RYR1: variants seen among roughly 807,000 people sequenced by gnomAD.
The protein encoded by RYR1 is ryanodine receptor 1, also known as central core disease of muscle.
Under a neutral mutation model 583.5 loss-of-function variants are expected in RYR1, and 342 were observed. The observed-to-expected ratio is 0.59, with a 90% CI of 0.54 to 0.64. The LOEUF is 0.64. RYR1 is among the 30% of genes least tolerant of loss of function. RYR1 has a pLI of 0.00. For synonymous variants in RYR1, 2,791 were observed against 2,822.5 expected (o/e 0.99, Z 0.35); for missense variants, 6,032 against 6,917.2 (o/e 0.87, Z 4.54).
chr19:38,502,789 G>GGGCAGA lies in RYR1; in HGVS notation c.7835+67_7835+68insAGGCAG, dbSNP rs1970225259. Reference sequence around the variant, plus strand: ...GGGGCAGGGGCAGGGGCAGGGGCAGGGGCAGGGGCAGGGGCAGGGGGAGGA... The same window carrying GGGCAGA: ...GGGGCAGGGGCAGGGGCAGGGGCAGGGGCAGAGGCAGGGGCAGGGGCAGGGGGAGGA... On this transcript the variant is annotated intron_variant, in intron 48 of 105. Transcript: ENST00000359596. 1.1e-5 allele frequency: 12 copies of GGGCAGA among 1,107,324 alleles called. 1 individual carries two copies. In the South Asian group the frequency reaches 1.4e-4, roughly 13 times the overall value. The allele number at this position is 1,107,324 out of a possible 1,614,324, so 68.6% of individuals were successfully genotyped here. A position where few individuals can be genotyped will look rare whatever the true frequency, so the allele number is the denominator to read the frequency against.
chr19:38,483,029 G>A lies in RYR1; in HGVS notation c.4623G>A (p.Val1541=). The change falls in exon 32 of 106, where the codon GTG becomes GTA. Residue 1541 remains valine, a splice_region_variant and synonymous_variant. Coordinates refer to ENST00000359596, the MANE Select transcript of RYR1 (RefSeq NM_000540.3). The surrounding 1 kb of genome is among the most constrained non-coding windows in gnomAD (Gnocchi z 6.3). ...NGKESNTFFQ[V]EPNTKLFPAV... ...CTCGTCCTCTTCTCCTCTGCCAGGT[G>A]GAACCCAACACTAAGCTATTTCCTG... The A allele has an allele frequency of 3.7e-6, 6 of 1,613,946 alleles. No homozygotes were observed. The highest frequency in any genetic ancestry group is 3.4e-6 in the Non-Finnish European group (4 of 1,179,864).
rs1247302109 is a variant in RYR1, at chr19:38,485,907, G to A, written c.5252G>A (p.Arg1751Lys). The A allele has an allele frequency of 7.4e-6, 12 of 1,613,754 alleles. No homozygotes were observed. Among genetic ancestry groups the A allele is most frequent in the African/African-American group, 1.3e-5 (1 of 75,050 alleles). Residue 1751 changes from arginine to lysine, a missense_variant, in exon 34 of 106, where the codon AGG becomes AAG. Arg to Lys is a conservative substitution (Grantham distance 26, BLOSUM62 2). Transcript: ENST00000359596. ...TRAITLFPPG[R>K]STENGHPRHG... ...GCCATCACGCTCTTCCCTCCTGGAAGGAGCACAGAAAATGGTCACCCCCGG... is the reference window on the plus strand; with the variant it reads ...GCCATCACGCTCTTCCCTCCTGGAAAGAGCACAGAAAATGGTCACCCCCGG...
At position 38,575,815 on chromosome 19, in the gene RYR1, A is replaced by G. The variant is rs1973931504; in HGVS notation, c.14130-104A>G. The G allele has an allele frequency of 3.9e-6, 5 of 1,285,170 alleles. No individual in the cohort carries two copies. The South Asian group carries it at 6.0e-5, about 15-fold the overall frequency. The allele number at this position is 1,285,170 out of a possible 1,614,324, so 79.6% of individuals were successfully genotyped here. On this transcript the variant is annotated intron_variant, in intron 96 of 105. Coordinates refer to ENST00000359596, the MANE Select transcript of RYR1 (RefSeq NM_000540.3). ...GAGACTCCATCTCAAAAAAAAAGGA[A>G]AAAGAAAAACAGTGGAGTTTCAGCC...
At chr19:38,546,858 G>A (rs374771752) in intron 88 of RYR1, among the ~76,000 whole-genome samples, 9 of 146,040 alleles carry the variant, frequency 6.2e-5, no homozygotes, top group Admixed American at 5.6e-4. Context: ...AGGCTGAGGT[G>A]GGAGGATCAC....
Position 38,485,965 on chromosome 19 carries a change from G to T in RYR1, c.5310G>T (p.Ser1770=), listed in dbSNP as rs1600772466. Residue 1770 remains serine, a synonymous_variant, in exon 34 of 106, where the codon TCG becomes TCT. Transcript: ENST00000359596. ...TGCCGGGAGTTGGAGTCACCACTTC[G>T]CTGAGGCCCCCGCATCATTTCTCGC... The part of the protein sequence containing the change: ...HGLPGVGVTT[S]LRPPHHFSPP... The T allele has an allele frequency of 2.5e-6, 4 of 1,613,646 alleles. No homozygotes were observed. Among genetic ancestry groups the T allele is most frequent in the South Asian group, 1.1e-5 (1 of 91,086 alleles).
At position 38,507,715 on chromosome 19, in the gene RYR1, C is replaced by A. The variant is rs951057994; in HGVS notation, c.8820C>A (p.Gly2940=). The A allele has an allele frequency of 6.9e-6, 11 of 1,598,786 alleles. No individual in the cohort carries two copies. In the African/African-American group the frequency reaches 8.0e-5, roughly 12 times the overall value. The stretch of plus-strand genomic sequence containing the variant: ...TTCTCTCCACATCTCCATGCAGAGG[C>A]CTTAAGGACATGGAACTGGACTCGT... ...LQMNGYAVTR[G]LKDMELDSSS... Residue 2940 remains glycine, a synonymous_variant, in exon 58 of 106, where the codon GGC becomes GGA. Transcript: ENST00000359596.
At chr19:38,436,593 T>C (rs987165738) in intron 1 of RYR1, among the ~76,000 whole-genome samples, 3 of 152,208 alleles carry the variant, frequency 2.0e-5, no homozygotes, top group African/African-American at 7.2e-5. Flanking sequence ...CCGAATATTA[T>C]TCCATTGTGC....
At chr19:38,555,408 C>T (rs1972836430) in intron 89 of RYR1, among the ~76,000 whole-genome samples, 1 of 148,510 alleles carries the variant, frequency 6.7e-6, no homozygotes, top group Non-Finnish European at 1.5e-5. Context: ...CACCACTGCA[C>T]TCCACTCCAG....
Position 38,519,380 on chromosome 19 carries a change from G to T in RYR1, c.10185G>T (p.Arg3395=). The part of the protein sequence containing the change: ...AEAQEGELLV[R]DEFSVLCRDL... ...CCCAGGAGGGCGAGCTGCTGGTGCGGGACGAGTTCTCTGTGCTCTGCCGGG... is the reference window on the plus strand; with the variant it reads ...CCCAGGAGGGCGAGCTGCTGGTGCGTGACGAGTTCTCTGTGCTCTGCCGGG... Residue 3395 remains arginine (R), a synonymous_variant, in exon 67 of 106, where the codon CGG becomes CGT. Coordinates refer to ENST00000359596, the MANE Select transcript of RYR1 (RefSeq NM_000540.3). 1.2e-6 allele frequency: 2 copies of T among 1,606,852 alleles called. No homozygotes were observed. The highest frequency in any genetic ancestry group is 1.7e-6 in the Non-Finnish European group (2 of 1,177,012).
rs776807425 is a variant in RYR1 at position 38,444,214 on chromosome 19, G to T, written c.490G>T (p.Val164Phe). ...KQRSEGEKVR[V>F]GDDIILVSVS... ...GAGGTCTGAAGGAGAAAAGGTCCGC[G>T]TTGGGGATGACATCATCCTTGTCAG... is the stretch of plus-strand genomic sequence containing the variant. The change falls in exon 6 of 106, where the codon GTT (valine) becomes TTT (phenylalanine). Residue 164 changes from valine to phenylalanine, a missense_variant. Physicochemically the swap from Val to Phe is conservative, Grantham distance 50. This residue lies in a region of RYR1 where 338 missense variants were observed against 441.6 expected (regional missense o/e 0.77). Coordinates refer to ENST00000359596, the MANE Select transcript of RYR1 (RefSeq NM_000540.3). This position sits in a 1 kb window ranked among gnomAD's most constrained non-coding sequence, Gnocchi z 5.1. 6.2e-7 allele frequency: 1 copy of T among 1,614,088 alleles called. No individual in the cohort carries two copies. The highest frequency in any genetic ancestry group is 1.6e-4 in the Middle Eastern group (1 of 6,062).
intron 47 of RYR1, 69 bp from the exon 48 acceptor site, chr19:38,502,438 G>T: frequency 1.4e-6 from 2 of 1,441,502 alleles, no homozygotes; most frequent in Non-Finnish European, 1.9e-6. Flanking sequence ...GGCCACAGTC[G>T]CTCAAGACAG....
intron 93 of RYR1, among the ~76,000 whole-genome samples, chr19:38,569,996 T>C (rs892044704): frequency 1.3e-5 from 2 of 152,104 alleles, no homozygotes; most frequent in Admixed American, 1.3e-4. Context: ...AGACCCCGTC[T>C]CTACTGAAAA....
At chr19:38,498,656 C>T (rs1000735161) in intron 42 of RYR1, among the ~76,000 whole-genome samples, 2 of 152,148 alleles carry the variant, frequency 1.3e-5, no homozygotes, top group African/African-American at 4.8e-5. Flanking sequence ...ATTATTCATG[C>T]CTCCCCTTTC....
In RYR1 at chr19:38,543,706, G is replaced by C. The variant is rs759527000; in HGVS notation, c.11907+46G>C. On this transcript the variant is annotated intron_variant, in intron 86 of 105. Transcript: ENST00000359596. The surrounding 1 kb of genome is among the most constrained non-coding windows in gnomAD (Gnocchi z 4.4). ...CGGGAGTGGGAAGGGAGGGGGTCCCGCATCGTGATCCCTGATCCCTTCTCG... is the reference window on the plus strand; with the variant it reads ...CGGGAGTGGGAAGGGAGGGGGTCCCCCATCGTGATCCCTGATCCCTTCTCG... 6.2e-6 allele frequency: 10 copies of C among 1,611,386 alleles called. No homozygotes were observed. The East Asian group carries it at 2.2e-4, about 36-fold the overall frequency.
In RYR1 at chr19:38,433,747, C is replaced by T. The variant is rs1398881873; in HGVS notation, c.-83C>T. ...TGTCTCCAGAGGTCTCCGACCCCAGCCCGCCCCCAGCCCTCCCGCCCAGCC... is the reference window on the plus strand; with the variant it reads ...TGTCTCCAGAGGTCTCCGACCCCAGTCCGCCCCCAGCCCTCCCGCCCAGCC... On this transcript the variant is annotated 5_prime_UTR_variant, in exon 1 of 106. Coordinates refer to ENST00000359596, the MANE Select transcript of RYR1 (RefSeq NM_000540.3). 9 of 674,060 alleles carry T rather than the reference C, an allele frequency of 1.3e-5. No individual in the cohort carries two copies. Among genetic ancestry groups the T allele is most frequent in the Middle Eastern group, 4.0e-4 (1 of 2,470 alleles). 41.8% of individuals were successfully genotyped at this position (674,060 alleles called of 1,614,324 possible). A position where few individuals can be genotyped will look rare whatever the true frequency, so the allele number is the denominator to read the frequency against.
In RYR1 at chr19:38,457,741, TAAC is replaced by T. The variant is rs1159315067; in HGVS notation, c.1925+115_1925+117del. 2.0e-4 allele frequency: 226 copies of T among 1,136,850 alleles called. No individual in the cohort carries two copies. The South Asian group carries it at 2.7e-3, about 13-fold the overall frequency. The allele number at this position is 1,136,850 out of a possible 1,614,324, so 70.4% of individuals were successfully genotyped here. On this transcript the variant is annotated intron_variant, in intron 17 of 105. Coordinates refer to ENST00000359596, the MANE Select transcript of RYR1 (RefSeq NM_000540.3). Reference sequence around the variant, plus strand: ...TTTCCTTAATCTCCCACCCCAGGGTTAACAACCAGTCCTCACAGATGTCCACTG... The same window carrying T: ...TTTCCTTAATCTCCCACCCCAGGGTTAACCAGTCCTCACAGATGTCCACTG...
At chr19:38,563,107 T>C (rs1367449037) in intron 90 of RYR1, among the ~76,000 whole-genome samples, 1 of 152,114 alleles carries the variant, frequency 6.6e-6, no homozygotes, top group Non-Finnish European at 1.5e-5. Context: ...CCCTGCGTGC[T>C]CCCCATACAA....
intron 27 of RYR1, among the ~76,000 whole-genome samples, chr19:38,472,001 G>A (rs529493324): frequency 1.3e-5 from 2 of 152,064 alleles, no homozygotes; most frequent in South Asian, 4.2e-4. Flanking sequence ...GTTCATCTTG[G>A]CAACTGGTCC....
intron 96 of RYR1, among the ~76,000 whole-genome samples, chr19:38,573,886 G>A (rs1599652636): frequency 1.3e-5 from 2 of 152,036 alleles, no homozygotes; most frequent in East Asian, 3.9e-4. Context: ...GTGAGCCCAG[G>A]AACCCGTGTT....
Sources: allele counts gnomAD v4.1 joint callset (sites outside exome capture counted in the v4.1 genomes callset), GRCh38; gene constraint gnomAD v4.1.1; regional missense constraint gnomAD v4.1.1; non-coding constraint Gnocchi (gnomAD v3.1); transcripts MANE v1.5; gene names NCBI Gene and HGNC (gene_info 2026-07-23, HGNC 2026-07-21).